ZNF638: variants seen among roughly 807,000 people sequenced by gnomAD.
ZNF638 encodes zinc finger protein 638.
ZNF638 carries 46 observed loss-of-function variants against 195.6 expected under a neutral mutation model. The observed-to-expected ratio is 0.24, with a 90% confidence interval of 0.19 to 0.30. The LOEUF is 0.30. Ranked by LOEUF, ZNF638 falls within the 10% of genes least tolerant of loss-of-function variation. The probability of loss-of-function intolerance (pLI) is 1.00; values close to 1 mark genes in which losing one functional copy is unlikely to be tolerated. For missense variants in ZNF638, 2,440 were observed against 2,325.3 expected (o/e 1.05, Z -1.01); for synonymous variants, 845 against 772.0 (o/e 1.09, Z -1.57).
Position 71,427,285 on chromosome 2 carries a change from AAAG to A in ZNF638, c.5417_5419del (p.Lys1806_Gly1807delinsArg). ...CAAAAATGACCATCCCACAGATAAA[AAAG>A]GGAATAGAAAGAAGAGAGCTGTGGA... On this transcript the variant is annotated inframe_deletion, in exon 24 of 28. Coordinates refer to ENST00000264447, the MANE Select transcript of ZNF638 (RefSeq NM_014497.5). 6.2e-7 allele frequency: 1 copy of A among 1,613,762 alleles called. No individual in the cohort carries two copies. The highest frequency in any genetic ancestry group is 8.5e-7 in the Non-Finnish European group (1 of 1,179,962).
intron 21 of ZNF638, among the ~76,000 whole-genome samples, chr2:71,421,467 A>G (rs536645203): frequency 4.6e-5 from 7 of 152,302 alleles, no homozygotes; most frequent in African/African-American, 1.7e-4. Flanking sequence ...ATCTGGTAGA[A>G]AAGTTTTCTC....
At chr2:71,430,064 A>G (rs1449964606) in intron 25 of ZNF638, among the ~76,000 whole-genome samples, 1 of 152,238 alleles carries the variant, frequency 6.6e-6, no homozygotes, top group Non-Finnish European at 1.5e-5. Context: ...GTAATATAAA[A>G]GGATGATTTA....
chr2:71,375,663 A>G lies in ZNF638; in HGVS notation c.2266-4559A>G, dbSNP rs1343843626. The G allele has an allele frequency of 2.0e-5, 3 of 152,208 alleles. No individual in the cohort carries two copies. The South Asian group carries it at 6.2e-4, about 31-fold the overall frequency. The allele number at this position is 152,208 out of a possible 1,614,324, so 9.4% of individuals were successfully genotyped here. A position where few individuals can be genotyped will look rare whatever the true frequency, so the allele number is the denominator to read the frequency against. On this transcript the variant is annotated intron_variant, in intron 8 of 27. Coordinates refer to ENST00000264447, the MANE Select transcript of ZNF638 (RefSeq NM_014497.5). ...CTTAAACTTTATCCTGTAGAGAGGTATATGTTATTCAAGGTTTTTGAACCA... is the reference window on the plus strand; with the variant it reads ...CTTAAACTTTATCCTGTAGAGAGGTGTATGTTATTCAAGGTTTTTGAACCA...
chr2:71,336,372 C>CAAAAAAAAA (rs66593443), intron 1 of ZNF638, among the ~76,000 whole-genome samples: 1 of 105,558 alleles, frequency 9.5e-6, no homozygotes, highest in Non-Finnish European at 1.9e-5. Flanking sequence ...ATTCCATCTC[C>CAAAAAAAAA]AAAAAAAAAA....
At chr2:71,401,770 G>A (rs374972171) in intron 15 of ZNF638, among the ~76,000 whole-genome samples, 186 bp from the exon 16 acceptor site, 1 of 152,008 alleles carries the variant, frequency 6.6e-6, no homozygotes, top group Non-Finnish European at 1.5e-5. Flanking sequence ...CTCTTGAAGA[G>A]TGTAAATTTG....
intron 10 of ZNF638, among the ~76,000 whole-genome samples, chr2:71,387,755 G>A (rs550218531): frequency 6.6e-6 from 1 of 152,136 alleles, no homozygotes; most frequent in Non-Finnish European, 1.5e-5. Flanking sequence ...CTTTAAGTGT[G>A]GAGAATATTT....
intron 3 of ZNF638, 98 bp downstream of exon 3, chr2:71,355,878 A>G (rs1323831456): frequency 5.1e-6 from 3 of 582,844 alleles, no homozygotes; most frequent in Non-Finnish European, 8.3e-6. Context: ...TACTTTGGAG[A>G]AAAATATTTT....
chr2:71,346,047 A>G (rs2078845598), intron 1 of ZNF638, among the ~76,000 whole-genome samples: 1 of 152,216 alleles, frequency 6.6e-6, no homozygotes, highest in South Asian at 2.1e-4. Context: ...TTTTGCCTTT[A>G]AGGAATTTTA....
intron 3 of ZNF638, among the ~76,000 whole-genome samples, chr2:71,362,842 T>C (rs1217850878): frequency 6.6e-6 from 1 of 152,214 alleles, no homozygotes; most frequent in African/African-American, 2.4e-5. Flanking sequence ...CCTAGAGTTC[T>C]GTAAAGTAGA....
chr2:71,403,822 AAAAGT>A, intron 16 of ZNF638, 43 bp from the exon 17 acceptor site: 1 of 1,390,830 alleles, frequency 7.2e-7, no homozygotes, highest in Non-Finnish European at 9.8e-7. Flanking sequence ...GTTTTTGAGA[AAAAGT>A]AACATAAGAT....
chr2:71,378,655 T>TA (rs981691257), intron 8 of ZNF638, among the ~76,000 whole-genome samples: 17 of 151,632 alleles, frequency 1.1e-4, no homozygotes, highest in African/African-American at 1.5e-4. Context: ...AGTGCTATGG[T>TA]AAAAAAAAAT....
In ZNF638 at chr2:71,365,583, C is replaced by T. The variant is rs769763438; in HGVS notation, c.1872C>T (p.Ser624=). ...SGTKPSVKPT[S]ATKSDSNLGG... ...CAAAACCATCAGTTAAACCTACAAGCGCTACAAAGAGTGATTCAAATCTAG... is the reference window on the plus strand; with the variant it reads ...CAAAACCATCAGTTAAACCTACAAGTGCTACAAAGAGTGATTCAAATCTAG... Residue 624 remains serine, a synonymous_variant, in exon 6 of 28, where the codon AGC becomes AGT. Transcript: ENST00000264447. The T allele has an allele frequency of 9.3e-6, 15 of 1,613,968 alleles. No homozygotes were observed. Among genetic ancestry groups the T allele is most frequent in the East Asian group, 4.5e-5 (2 of 44,890 alleles).
intron 17 of ZNF638, among the ~76,000 whole-genome samples, chr2:71,404,596 G>T (rs1200126888): frequency 6.6e-6 from 1 of 152,072 alleles, no homozygotes; most frequent in Non-Finnish European, 1.5e-5. Flanking sequence ...GCACACCCGT[G>T]GTCCCAGCTC....
Position 71,403,899 on chromosome 2 carries a change from T to C in ZNF638, c.2859T>C (p.Ala953=). 6.3e-7 allele frequency: 1 copy of C among 1,593,564 alleles called. No individual in the cohort carries two copies. Among genetic ancestry groups the C allele is most frequent in the African/African-American group, 1.3e-5 (1 of 74,456 alleles). The part of the protein sequence containing the change: ...KAYIEINRKA[A]ESMVKFYTCF... The stretch of plus-strand genomic sequence containing the variant: ...ATATAGAAATAAATAGAAAAGCTGC[T>C]GAGTCTATGGTAAAATTTTATACCT... The change falls in exon 17 of 28, where the codon GCT becomes GCC. Residue 953 remains alanine, a synonymous_variant. Transcript: ENST00000264447.
chr2:71,389,031 T>A (rs746064064), intron 10 of ZNF638, among the ~76,000 whole-genome samples: 1 of 152,138 alleles, frequency 6.6e-6, no homozygotes. Flanking sequence ...TTTAACCTTA[T>A]GGGCCTTAGT....
intron 20 of ZNF638, among the ~76,000 whole-genome samples, chr2:71,409,076 A>G (rs1387751411): frequency 2.0e-5 from 3 of 152,136 alleles, no homozygotes; most frequent in Non-Finnish European, 4.4e-5. Context: ...TTCAAAATTA[A>G]ACACTGACTG....
At chr2:71,410,092 TGAG>T (rs1226855103) in intron 20 of ZNF638, among the ~76,000 whole-genome samples, 2 of 152,232 alleles carry the variant, frequency 1.3e-5, no homozygotes, top group South Asian at 2.1e-4. Flanking sequence ...CCAGTATTAT[TGAG>T]GAGAAGTCTG....
intron 26 of ZNF638, 94 bp downstream of exon 26, chr2:71,431,522 G>C (rs1446072331): frequency 9.8e-7 from 1 of 1,021,406 alleles, no homozygotes; most frequent in East Asian, 2.8e-5. Flanking sequence ...CACTTCGGGA[G>C]GCCGAGGCGG....
At chr2:71,360,893 T>C (rs560660519) in intron 3 of ZNF638, among the ~76,000 whole-genome samples, 1 of 152,316 alleles carries the variant, frequency 6.6e-6, no homozygotes, top group African/African-American at 2.4e-5. Flanking sequence ...GTTTCCAAAT[T>C]CTGCTTGCAG....
Sources: allele counts gnomAD v4.1 joint callset (sites outside exome capture counted in the v4.1 genomes callset), GRCh38; gene constraint gnomAD v4.1.1; transcripts MANE v1.5; gene names NCBI Gene and HGNC (gene_info 2026-07-23, HGNC 2026-07-21).